The following PLCB1 variants were observed in gnomAD, a reference collection of about 807,000 sequenced individuals.
PLCB1 encodes the protein 1-phosphatidylinositol 4,5-bisphosphate phosphodiesterase beta-1.
A neutral mutation model predicts 161.8 loss-of-function variants in PLCB1; 46 were observed. The observed-to-expected ratio is 0.28, with a 90% CI of 0.22 to 0.36. The LOEUF (loss-of-function observed/expected upper bound fraction) is 0.36. Ranked by LOEUF, PLCB1 falls within the 10% of genes least tolerant of loss-of-function variation. The pLI, the probability that PLCB1 is intolerant of heterozygous loss-of-function variation, is 1.00. For missense variants in PLCB1, 1,016 were observed against 1,472.5 expected (o/e 0.69, Z 5.07); for synonymous variants, 517 against 503.7 (o/e 1.03, Z -0.35).
At chr20:8,241,564 G>T (rs1051235506) in intron 2 of PLCB1, among the ~76,000 whole-genome samples, 1 of 151,874 alleles carries the variant, frequency 6.6e-6, no homozygotes, top group Non-Finnish European at 1.5e-5. Context: ...TATTAATTAG[G>T]CACCGAGTAG....
intron 3 of PLCB1, among the ~76,000 whole-genome samples, chr20:8,507,700 G>A (rs772694084): frequency 3.3e-4 from 50 of 152,292 alleles, no homozygotes; most frequent in Middle Eastern, 3.4e-3. Flanking sequence ...CTTCATGGTG[G>A]TAGGCCCAGG....
At chr20:8,858,750 A>G (rs1171293988) in intron 31 of PLCB1, among the ~76,000 whole-genome samples, 1 of 152,038 alleles carries the variant, frequency 6.6e-6, no homozygotes, top group Admixed American at 6.6e-5. Context: ...TTCCTTGCTC[A>G]CTTACTTAGA....
chr20:8,642,134 T>C (rs925980331), intron 4 of PLCB1, among the ~76,000 whole-genome samples: 2 of 152,178 alleles, frequency 1.3e-5, no homozygotes, highest in African/African-American at 4.8e-5. Flanking sequence ...TCCTAGCTTT[T>C]TGTTAGTTGG....
rs113932934 is a variant in PLCB1 at position 8,206,250 on chromosome 20, C to T, written c.177+55879C>T. Reference sequence around the variant, plus strand: ...AGGTAAACATTCTTTCAGCATTTCTCATCCTTCTCCCATTTTCCTGCATTT... The same window carrying T: ...AGGTAAACATTCTTTCAGCATTTCTTATCCTTCTCCCATTTTCCTGCATTT... On this transcript the variant is annotated intron_variant, in intron 2 of 31. Transcript: ENST00000338037. 2.1e-3 allele frequency among the ~76,000 whole-genome samples: 323 copies of T among 152,290 alleles called. 3 individuals carry two copies. Among genetic ancestry groups the T allele is most frequent in the Middle Eastern group, 0.017 (5 of 294 alleles).
chr20:8,710,337 C>T (rs1978930203), intron 12 of PLCB1, among the ~76,000 whole-genome samples: 1 of 152,016 alleles, frequency 6.6e-6, no homozygotes, highest in African/African-American at 2.4e-5. Context: ...AATGGTGTTA[C>T]ACCATAAGAA....
rs552171647 is a variant in PLCB1, at chr20:8,793,017, T to C, written c.3423+2756T>C. ...GCATGGATGGAAAATACAGTAACACTGGCTTTGAAATAATCCCTCTCCACA... is the reference window on the plus strand; with the variant it reads ...GCATGGATGGAAAATACAGTAACACCGGCTTTGAAATAATCCCTCTCCACA... On this transcript the variant is annotated intron_variant, in intron 31 of 31. Coordinates refer to ENST00000338037, the MANE Select transcript of PLCB1 (RefSeq NM_015192.4). 1.8e-4 allele frequency among the ~76,000 whole-genome samples: 27 copies of C among 152,340 alleles called. No individual in the cohort carries two copies. In the East Asian group the frequency reaches 3.7e-3, roughly 21 times the overall value.
At chr20:8,150,756 G>T (rs1395987911) in intron 2 of PLCB1, among the ~76,000 whole-genome samples, 1 of 152,044 alleles carries the variant, frequency 6.6e-6, no homozygotes, top group Non-Finnish European at 1.5e-5. Flanking sequence ...TTACCCCTTG[G>T]CTTTTCTTTC....
At chr20:8,221,038 C>T (rs772131980) in intron 2 of PLCB1, among the ~76,000 whole-genome samples, 1 of 152,146 alleles carries the variant, frequency 6.6e-6, no homozygotes, top group Non-Finnish European at 1.5e-5. Flanking sequence ...CACCTGTAAA[C>T]TCCAAGTGAT....
At chr20:8,644,519 C>T (rs1488437898) in intron 4 of PLCB1, among the ~76,000 whole-genome samples, 6 of 151,342 alleles carry the variant, frequency 4.0e-5, no homozygotes, top group African/African-American at 1.5e-4. Flanking sequence ...CGTCTCTGCC[C>T]GGCCGCCCCG....
intron 3 of PLCB1, among the ~76,000 whole-genome samples, chr20:8,626,249 G>A (rs1479960094): frequency 6.6e-6 from 1 of 151,584 alleles, no homozygotes; most frequent in East Asian, 1.9e-4. Context: ...AAAGATTTCA[G>A]AGAGTTGGTC....
Position 8,416,483 on chromosome 20 carries a change from C to T in PLCB1, c.246+45033C>T, listed in dbSNP as rs536710483. 5.3e-5 allele frequency among the ~76,000 whole-genome samples: 8 copies of T among 152,132 alleles called. No homozygotes were observed. In the East Asian group the frequency reaches 5.8e-4, roughly 11 times the overall value. ...TCAAAGAGATGTGTCACACTAGCTG[C>T]GGGGGGTGCAAAGGTATGCTCACTA... On this transcript the variant is annotated intron_variant, in intron 3 of 31. Transcript: ENST00000338037.
intron 23 of PLCB1, among the ~76,000 whole-genome samples, chr20:8,753,912 A>G (rs1032590463): frequency 6.6e-6 from 1 of 152,134 alleles, no homozygotes; most frequent in Non-Finnish European, 1.5e-5. Context: ...ACTGGTTTCT[A>G]TCATTTCCAC....
intron 3 of PLCB1, among the ~76,000 whole-genome samples, chr20:8,433,535 T>C (rs2083651052): frequency 6.8e-6 from 1 of 147,074 alleles, no homozygotes; most frequent in Admixed American, 6.7e-5. Context: ...GAGTGACCCT[T>C]AGGAAGTTCC....
At chr20:8,673,596 G>C (rs556009353) in intron 9 of PLCB1, among the ~76,000 whole-genome samples, 1 of 152,212 alleles carries the variant, frequency 6.6e-6, no homozygotes, top group Admixed American at 6.5e-5. Context: ...TCTGTGAGCT[G>C]TTCATTGCAT....
chr20:8,285,037 G>T (rs1301094299), intron 2 of PLCB1, among the ~76,000 whole-genome samples: 1 of 151,736 alleles, frequency 6.6e-6, no homozygotes, highest in Non-Finnish European at 1.5e-5. Flanking sequence ...TCAGTGTTAT[G>T]TTAGCCTACC....
intron 2 of PLCB1, among the ~76,000 whole-genome samples, chr20:8,171,758 G>A (rs900955115): frequency 2.6e-5 from 4 of 152,064 alleles, no homozygotes; most frequent in Non-Finnish European, 5.9e-5. Flanking sequence ...CTGTCTGGAG[G>A]ATGACTTTTT....
intron 3 of PLCB1, among the ~76,000 whole-genome samples, chr20:8,470,844 T>G (rs1229931627): frequency 6.6e-6 from 1 of 152,220 alleles, no homozygotes; most frequent in East Asian, 1.9e-4. Context: ...TGAATAACTT[T>G]TTTGTGCTCT....
chr20:8,604,545 A>G (rs1365252538), intron 3 of PLCB1, among the ~76,000 whole-genome samples: 2 of 152,164 alleles, frequency 1.3e-5, no homozygotes, highest in Non-Finnish European at 2.9e-5. Context: ...AGTGCTTTTC[A>G]TGGAAAGTTT....
chr20:8,856,507 C>A (rs1319299486), intron 31 of PLCB1, among the ~76,000 whole-genome samples: 1 of 152,024 alleles, frequency 6.6e-6, no homozygotes, highest in Non-Finnish European at 1.5e-5. Flanking sequence ...TTCCCAGCTA[C>A]TGGGGAGGCT....
Sources: allele counts gnomAD v4.1 joint callset (sites outside exome capture counted in the v4.1 genomes callset), GRCh38; gene constraint gnomAD v4.1.1; transcripts MANE v1.5; gene names NCBI Gene and HGNC (gene_info 2026-07-23, HGNC 2026-07-21).